The following NOP9 variants were observed in gnomAD, a reference collection of about 807,000 sequenced individuals.
The protein encoded by NOP9 is NOP9 nucleolar protein.
In NOP9, 50 loss-of-function variants were observed where a neutral mutation model predicts 63.0. That is an observed-to-expected ratio of 0.79 (90% CI 0.63 to 1.00). The LOEUF (loss-of-function observed/expected upper bound fraction) is 1.00. Among genes scored for constraint, NOP9 ranks in the 50% least tolerant of loss-of-function variants. The pLI is 0.00. For missense variants in NOP9, 758 were observed against 803.0 expected (o/e 0.94, Z 0.68); for synonymous variants, 343 against 332.8 (o/e 1.03, Z -0.33).
Position 24,307,860 on chromosome 14 carries a change from G to A in NOP9, c.*2765G>A, listed in dbSNP as rs753369849. ...GTTCAGAGCTGAGAGGTACTCCATG[G>A]TGGACCGGAGAGTTCCTTCCCTGGA... On this transcript the variant is annotated 3_prime_UTR_variant, in exon 10 of 10. Transcript: ENST00000267425. 6.3e-7 allele frequency: 1 copy of A among 1,589,266 alleles called. No individual in the cohort carries two copies. Among genetic ancestry groups the A allele is most frequent in the South Asian group, 1.1e-5 (1 of 87,278 alleles).
the NOP9 span, among the ~76,000 whole-genome samples, chr14:24,272,120 A>C: frequency 1.3e-5 from 2 of 152,108 alleles, no homozygotes; most frequent in African/African-American, 4.8e-5. Context: ...AACTGCTTCG[A>C]GTTGGAGCTC....
the NOP9 span, chr14:24,291,582 C>G: frequency 6.2e-7 from 1 of 1,614,230 alleles, no homozygotes; most frequent in African/African-American, 1.3e-5. Flanking sequence ...CACACATTTG[C>G]CACTCAATTC....
Position 24,304,539 on chromosome 14 carries a change from T to C in NOP9, c.1694T>C (p.Leu565Pro), listed in dbSNP as rs1318132353. 1 of 1,613,784 alleles carries C rather than the reference T, an allele frequency of 6.2e-7. No homozygotes were observed. Residue 565 changes from leucine to proline, a missense_variant, in exon 9 of 10, where the codon CTA becomes CCA. Coordinates refer to ENST00000267425, the MANE Select transcript of NOP9 (RefSeq NM_174913.3). ...LACSRHGSRV[L>P]DAIWSGAALR... The stretch of plus-strand genomic sequence containing the variant: ...TGTAGTCGCCATGGCAGCCGTGTGC[T>C]AGATGCCATCTGGAGTGGAGCAGCC...
chr14:24,292,261 G>T, the NOP9 span: 1,725 of 1,614,034 alleles, frequency 1.1e-3, 29 homozygotes, highest in East Asian at 0.028. Context: ...ACAATCCCCG[G>T]CCACAGAGAC....
Position 24,305,243 on chromosome 14 carries a change from G to C in NOP9, c.*148G>C. On this transcript the variant is annotated 3_prime_UTR_variant, in exon 10 of 10. Coordinates refer to ENST00000267425, the MANE Select transcript of NOP9 (RefSeq NM_174913.3). The stretch of plus-strand genomic sequence containing the variant: ...AATGTTTTTGTTAGTTTGAGGGGAA[G>C]GGTATGAAGACAGATCTCAAGGTAA... The C allele has an allele frequency of 2.2e-6, 2 of 889,948 alleles. No individual in the cohort carries two copies. Among genetic ancestry groups the C allele is most frequent in the Non-Finnish European group, 3.2e-6 (2 of 634,382 alleles). The allele number at this position is 889,948 out of a possible 1,614,324, so 55.1% of individuals were successfully genotyped here. A position where few individuals can be genotyped will look rare whatever the true frequency, so the allele number is the denominator to read the frequency against.
chr14:24,278,615 G>A, the NOP9 span, among the ~76,000 whole-genome samples: 1 of 152,248 alleles, frequency 6.6e-6, no homozygotes, highest in Non-Finnish European at 1.5e-5. Context: ...AGCTGCACAA[G>A]AGTGAGATAC....
At chr14:24,281,899 A>G in the NOP9 span, among the ~76,000 whole-genome samples, 4 of 152,184 alleles carry the variant, frequency 2.6e-5, no homozygotes, top group African/African-American at 7.2e-5. Flanking sequence ...CCAAAGTAGA[A>G]GGCCTCCAAA....
At chr14:24,275,685 G>C in the NOP9 span, among the ~76,000 whole-genome samples, 1 of 152,130 alleles carries the variant, frequency 6.6e-6, no homozygotes, top group Non-Finnish European at 1.5e-5. Context: ...CCTGGGCCAG[G>C]GCCCTGGGTC....
At position 24,307,969 on chromosome 14, in the gene NOP9, G is replaced by A. The variant is rs564012019; in HGVS notation, c.*2874G>A. The stretch of plus-strand genomic sequence containing the variant: ...AACCTGGGATCTCAGCCCAGGACAA[G>A]GTGGGAATGAGTCAAGCCTGGACTC... On this transcript the variant is annotated 3_prime_UTR_variant, in exon 10 of 10. Transcript: ENST00000267425. 1.2e-5 allele frequency: 12 copies of A among 1,019,892 alleles called. No homozygotes were observed. The African/African-American group carries it at 1.9e-4, about 16-fold the overall frequency. 63.2% of individuals were successfully genotyped at this position (1,019,892 alleles called of 1,614,324 possible).
chr14:24,306,672 C>G lies in NOP9; in HGVS notation c.*1577C>G, dbSNP rs1443247322. 8 of 916,590 alleles carry G rather than the reference C, an allele frequency of 8.7e-6. No individual in the cohort carries two copies. The African/African-American group carries it at 1.0e-4, about 11-fold the overall frequency. 56.8% of individuals were successfully genotyped at this position (916,590 alleles called of 1,614,324 possible). On this transcript the variant is annotated 3_prime_UTR_variant, in exon 10 of 10. Transcript: ENST00000267425. Reference sequence around the variant, plus strand: ...TTGATACCTCCTAAAGGTTGCAGCTCTCCGTGTTCTTCAGTTTTTGGGGGA... The same window carrying G: ...TTGATACCTCCTAAAGGTTGCAGCTGTCCGTGTTCTTCAGTTTTTGGGGGA...
At chr14:24,299,836 T>G, upstream of NOP9, 2 of 1,298,938 alleles carry the variant, frequency 1.5e-6, no homozygotes, top group East Asian at 2.6e-5. Context: ...ACGTAGTAGC[T>G]GCGTCAGGAG....
the NOP9 span, among the ~76,000 whole-genome samples, chr14:24,275,766 G>T: frequency 2.0e-5 from 3 of 152,340 alleles, no homozygotes; most frequent in Non-Finnish European, 4.4e-5. Context: ...AGCTGTCTCC[G>T]GGCCATGTGC....
chr14:24,294,940 T>C (rs536167071), upstream of NOP9, among the ~76,000 whole-genome samples: 1 of 152,296 alleles, frequency 6.6e-6, no homozygotes. Flanking sequence ...TTCCCCTTCA[T>C]TGTCTTGATA....
At position 24,304,613 on chromosome 14, in the gene NOP9, C is replaced by G. The variant is rs2041444739; in HGVS notation, c.1753+15C>G. On this transcript the variant is annotated intron_variant, in intron 9 of 9. Coordinates refer to ENST00000267425, the MANE Select transcript of NOP9 (RefSeq NM_174913.3). ...TGCTGAGCTTGGTGAGTACCAGCCC[C>G]TCTCTTTGATGTTTCCAGACTCTCC... is the stretch of plus-strand genomic sequence containing the variant. The G allele has an allele frequency of 1.0e-5, 16 of 1,567,940 alleles. No individual in the cohort carries two copies. The highest frequency in any genetic ancestry group is 1.2e-5 in the South Asian group (1 of 86,022).
the NOP9 span, among the ~76,000 whole-genome samples, chr14:24,285,712 G>A: frequency 7.2e-5 from 11 of 152,158 alleles, no homozygotes; most frequent in African/African-American, 1.4e-4. Flanking sequence ...GGCTGGGCAC[G>A]GTAATTTATT....
Position 24,307,996 on chromosome 14 carries a change from G to A in NOP9, c.*2901G>A. ...TGGGAATGAGTCAAGCCTGGACTCTGGCCCCCCTGCCTGGCCAGTAAGAAG... is the reference window on the plus strand; with the variant it reads ...TGGGAATGAGTCAAGCCTGGACTCTAGCCCCCCTGCCTGGCCAGTAAGAAG... On this transcript the variant is annotated 3_prime_UTR_variant, in exon 10 of 10. Transcript: ENST00000267425. The A allele has an allele frequency of 1.3e-6, 1 of 789,520 alleles. No individual in the cohort carries two copies. Among genetic ancestry groups the A allele is most frequent in the Non-Finnish European group, 2.1e-6 (1 of 466,456 alleles). The allele number at this position is 789,520 out of a possible 1,614,324, so 48.9% of individuals were successfully genotyped here. A position where few individuals can be genotyped will look rare whatever the true frequency, so the allele number is the denominator to read the frequency against.
At chr14:24,277,408 T>A in the NOP9 span, among the ~76,000 whole-genome samples, 1 of 151,946 alleles carries the variant, frequency 6.6e-6, no homozygotes, top group South Asian at 2.1e-4. Context: ...GAATGGGTGC[T>A]CTGGGGAGAG....
At chr14:24,283,331 G>A in the NOP9 span, among the ~76,000 whole-genome samples, 2 of 151,962 alleles carry the variant, frequency 1.3e-5, no homozygotes, top group East Asian at 1.9e-4. Context: ...GGCTCACGCT[G>A]TAATCCCAGC....
the NOP9 span, chr14:24,290,692 G>GAAGGGACCT: frequency 2.2e-5 from 16 of 731,366 alleles, no homozygotes; most frequent in Non-Finnish European, 3.5e-5. Context: ...AAGGCACAAA[G>GAAGGGACCT]AAGGGACCTA....
Sources: allele counts gnomAD v4.1 joint callset (sites outside exome capture counted in the v4.1 genomes callset), GRCh38; gene constraint gnomAD v4.1.1; transcripts MANE v1.5; gene names NCBI Gene and HGNC (gene_info 2026-07-23, HGNC 2026-07-21).